The following DCLK1 variants were observed in gnomAD, a reference collection of about 807,000 sequenced individuals.
The protein encoded by DCLK1 is serine/threonine-protein kinase DCLK1.
DCLK1 carries 16 observed loss-of-function variants against 86.2 expected under a neutral mutation model. The ratio of observed to expected loss-of-function variants is 0.19; its 90% CI spans 0.13 to 0.28. The LOEUF is 0.28. DCLK1 is among the 10% of genes least tolerant of loss of function. The pLI is 1.00. For missense variants in DCLK1, 590 were observed against 940.2 expected (o/e 0.63, Z 4.87); for synonymous variants, 369 against 370.5 (o/e 1.00, Z 0.05).
rs556436786 is a variant in DCLK1 at position 35,878,638 on chromosome 13, C to T, written c.824-7298G>A. On this transcript the variant is annotated intron_variant, in intron 4 of 16. Coordinates refer to ENST00000360631, the MANE Select transcript of DCLK1 (RefSeq NM_001330071.2). ...CAATGAAGAATAATTTAATTGTATA[C>T]TTAAAAATAACTAAAAGAGTATAAT... 3.4e-4 allele frequency among the ~76,000 whole-genome samples: 51 copies of T among 151,944 alleles called. 2 individuals carry two copies. In the South Asian group the frequency reaches 9.2e-3, roughly 27 times the overall value.
chr13:35,939,837 A>T (rs1162034339), intron 4 of DCLK1, among the ~76,000 whole-genome samples: 1 of 152,350 alleles, frequency 6.6e-6, no homozygotes, highest in Non-Finnish European at 1.5e-5. Flanking sequence ...CTTATAATCC[A>T]ATTAAAATTT....
intron 3 of DCLK1, among the ~76,000 whole-genome samples, chr13:35,974,665 T>C (rs1879242626): frequency 1.3e-5 from 2 of 152,168 alleles, no homozygotes; most frequent in South Asian, 2.1e-4. Context: ...CCTTCTGCCA[T>C]GGTTGTAAGT....
At chr13:36,098,971 A>ATT (rs34423920) in intron 3 of DCLK1, among the ~76,000 whole-genome samples, 199 of 144,798 alleles carry the variant, frequency 1.4e-3, no homozygotes, top group African/African-American at 4.9e-3. Flanking sequence ...TATTATTTGG[A>ATT]TTTTTTTTTT....
At chr13:35,982,803 C>T (rs1340615425) in intron 3 of DCLK1, among the ~76,000 whole-genome samples, 1 of 152,026 alleles carries the variant, frequency 6.6e-6, no homozygotes, top group South Asian at 2.1e-4. Context: ...ATTCTGTCAC[C>T]CAGGTTGGAG....
chr13:35,999,718 C>T (rs1880629391), intron 3 of DCLK1, among the ~76,000 whole-genome samples: 1 of 152,136 alleles, frequency 6.6e-6, no homozygotes, highest in Non-Finnish European at 1.5e-5. Context: ...TTCTATTCTC[C>T]TCATTACTGC....
At chr13:35,808,130 T>C (rs775405374) in intron 14 of DCLK1, 94 bp downstream of exon 14, 11 of 1,187,394 alleles carry the variant, frequency 9.3e-6, no homozygotes, top group African/African-American at 1.5e-5. Context: ...ATCATACTTA[T>C]GATGTCATTA....
chr13:35,974,566 T>C (rs1879236486), intron 3 of DCLK1, among the ~76,000 whole-genome samples: 1 of 152,144 alleles, frequency 6.6e-6, no homozygotes, highest in Non-Finnish European at 1.5e-5. Flanking sequence ...TGAGTTCTCA[T>C]GAGATCTGGT....
intron 3 of DCLK1, among the ~76,000 whole-genome samples, chr13:36,033,712 G>C (rs1566654073): frequency 6.6e-6 from 1 of 152,162 alleles, no homozygotes; most frequent in Non-Finnish European, 1.5e-5. Context: ...GATTACCTGA[G>C]GCCAGGAGTT....
In DCLK1 at chr13:36,007,787, G is replaced by A. The variant is rs180825560; in HGVS notation, c.724-60330C>T. On this transcript the variant is annotated intron_variant, in intron 3 of 16. Coordinates refer to ENST00000360631, the MANE Select transcript of DCLK1 (RefSeq NM_001330071.2). Reference sequence around the variant, plus strand: ...CCATTGCTGTCTTCAAATAACTAACGAAACTGATTTGTTCTAAAGAGCATA... The same window carrying A: ...CCATTGCTGTCTTCAAATAACTAACAAAACTGATTTGTTCTAAAGAGCATA... 3.0e-4 allele frequency among the ~76,000 whole-genome samples: 46 copies of A among 152,158 alleles called. No individual in the cohort carries two copies. The East Asian group carries it at 4.4e-3, about 15-fold the overall frequency.
chr13:35,913,150 G>A (rs754397124), intron 4 of DCLK1, among the ~76,000 whole-genome samples: 4 of 152,146 alleles, frequency 2.6e-5, no homozygotes, highest in Admixed American at 6.5e-5. Context: ...GATGTGAAAC[G>A]GTCCTGGAAT....
intron 3 of DCLK1, among the ~76,000 whole-genome samples, chr13:35,964,781 G>GA (rs10533073): frequency 0.057 from 7,453 of 130,106 alleles, 316 homozygotes; most frequent in East Asian, 0.21. Flanking sequence ...AAAATGGTTG[G>GA]AAAAAAAAAA....
chr13:35,811,062 T>A (rs3764060), intron 11 of DCLK1, 94 bp from the exon 12 acceptor site: 1 of 1,489,528 alleles, frequency 6.7e-7, no homozygotes, highest in African/African-American at 1.4e-5. Context: ...AAATTTAATG[T>A]ATAGGAGGTA....
chr13:36,059,822 T>C (rs1432387515), intron 3 of DCLK1, among the ~76,000 whole-genome samples: 1 of 152,124 alleles, frequency 6.6e-6, no homozygotes, highest in Non-Finnish European at 1.5e-5. Context: ...AGAATTTCTA[T>C]TAGTATATCA....
chr13:35,819,314 AC>A (rs2087340482), intron 11 of DCLK1, among the ~76,000 whole-genome samples: 1 of 152,188 alleles, frequency 6.6e-6, no homozygotes, highest in Non-Finnish European at 1.5e-5. Context: ...AAATACTTTA[AC>A]CCAACCAAAC....
At chr13:36,092,792 G>A (rs1243189843) in intron 3 of DCLK1, among the ~76,000 whole-genome samples, 1 of 152,148 alleles carries the variant, frequency 6.6e-6, no homozygotes, top group Non-Finnish European at 1.5e-5. Context: ...GGCCGCGAGA[G>A]GCGTTTTCTT....
At chr13:35,967,016 G>A (rs1393097823) in intron 3 of DCLK1, among the ~76,000 whole-genome samples, 1 of 151,832 alleles carries the variant, frequency 6.6e-6, no homozygotes, top group Non-Finnish European at 1.5e-5. Context: ...TCTGGGAAGT[G>A]AGGAGCGCCT....
chr13:36,089,821 T>C (rs1311122345), intron 3 of DCLK1, among the ~76,000 whole-genome samples: 1 of 152,196 alleles, frequency 6.6e-6, no homozygotes, highest in Non-Finnish European at 1.5e-5. Flanking sequence ...CAATAGCTAA[T>C]GCGAAGTGTT....
At chr13:35,958,031 TACCACCACCACCACCATCACCACTATA>T (rs1878123848) in intron 3 of DCLK1, among the ~76,000 whole-genome samples, 1 of 4,420 alleles carries the variant, frequency 2.3e-4, no homozygotes. Context: ...ACACCACAAC[TACCACCACCACCACCATCACCACTATA>T]ACCACTAGCA....
chr13:36,039,930 ATT>A (rs1003205144), intron 3 of DCLK1, among the ~76,000 whole-genome samples: 9 of 143,186 alleles, frequency 6.3e-5, no homozygotes, highest in Admixed American at 7.0e-5. Context: ...TTTAAACTTA[ATT>A]TTTTTTTTTT....
Sources: allele counts gnomAD v4.1 joint callset (sites outside exome capture counted in the v4.1 genomes callset), GRCh38; gene constraint gnomAD v4.1.1; transcripts MANE v1.5; gene names NCBI Gene and HGNC (gene_info 2026-07-23, HGNC 2026-07-21).